RGSL1: variants seen among roughly 807,000 people sequenced by gnomAD.
RGSL1 encodes regulator of G protein signaling like 1, also known as regulator of G protein signaling protein-like.
In RGSL1, 97 loss-of-function variants were observed where a neutral mutation model predicts 124.7. The observed-to-expected ratio is 0.78, with a 90% confidence interval of 0.66 to 0.92. RGSL1 has a LOEUF of 0.92. Ranked by LOEUF, RGSL1 falls within the 40% of genes least tolerant of loss-of-function variation. The pLI, the probability that RGSL1 is intolerant of heterozygous loss-of-function variation, is 0.00. For missense variants in RGSL1, 1,233 were observed against 1,288.4 expected (o/e 0.96, Z 0.66); for synonymous variants, 424 against 438.1 (o/e 0.97, Z 0.40).
intron 10 of RGSL1, among the ~76,000 whole-genome samples, chr1:182,522,868 T>C (rs998261906): frequency 1.3e-5 from 2 of 152,172 alleles, no homozygotes; most frequent in African/African-American, 2.4e-5. Flanking sequence ...TACTCATGTA[T>C]TCATTTTTAT....
intron 15 of RGSL1, among the ~76,000 whole-genome samples, chr1:182,545,098 G>C (rs1660127886): frequency 6.6e-6 from 1 of 151,980 alleles, no homozygotes. Context: ...TTGTGATTAA[G>C]TAATTTTCTC....
chr1:182,507,043 G>A (rs1656868644), intron 9 of RGSL1, among the ~76,000 whole-genome samples: 1 of 134,206 alleles, frequency 7.5e-6, no homozygotes. Flanking sequence ...AGGCTGGAGT[G>A]CAATGGCACG....
chr1:182,540,163 C>G, intron 14 of RGSL1, 84 bp from the exon 15 acceptor site: 1 of 1,332,620 alleles, frequency 7.5e-7, no homozygotes, highest in Non-Finnish European at 1.0e-6. Flanking sequence ...CCACAGTCTC[C>G]TTTCTTCTTT....
At chr1:182,485,101 G>GTCCTCA (rs1168426941) in intron 6 of RGSL1, among the ~76,000 whole-genome samples, 2 of 152,164 alleles carry the variant, frequency 1.3e-5, no homozygotes, top group Non-Finnish European at 2.9e-5. Context: ...GTGCCTGTGA[G>GTCCTCA]GACTGCAGGG....
At chr1:182,545,529 G>A (rs541461677) in intron 15 of RGSL1, among the ~76,000 whole-genome samples, 41 of 152,186 alleles carry the variant, frequency 2.7e-4, no homozygotes, top group African/African-American at 7.5e-4. Flanking sequence ...TCCTTCTTGC[G>A]TGTTAGTGTC....
intron 4 of RGSL1, among the ~76,000 whole-genome samples, chr1:182,465,881 T>C (rs527580425): frequency 6.6e-6 from 1 of 152,218 alleles, no homozygotes; most frequent in African/African-American, 2.4e-5. Flanking sequence ...TATAGGCCAA[T>C]ATTCCTGATG....
chr1:182,456,114 G>T (rs1378635015), intron 2 of RGSL1, among the ~76,000 whole-genome samples: 4 of 152,244 alleles, frequency 2.6e-5, no homozygotes, highest in African/African-American at 7.2e-5. Context: ...TAAGTGTTGG[G>T]CAAGGTGGTA....
chr1:182,521,858 C>G (rs1658365198), intron 9 of RGSL1, 146 bp from the exon 10 acceptor site: 1 of 591,990 alleles, frequency 1.7e-6, no homozygotes, highest in African/African-American at 1.9e-5. Context: ...GTTCTTAACA[C>G]TAGATGAACT....
intron 12 of RGSL1, among the ~76,000 whole-genome samples, 194 bp downstream of exon 12, chr1:182,530,555 A>C (rs989758954): frequency 6.6e-6 from 1 of 151,790 alleles, no homozygotes; most frequent in South Asian, 2.1e-4. Context: ...ACACACACAC[A>C]CACACACACA....
chr1:182,558,077 A>G (rs1660964789), intron 21 of RGSL1, among the ~76,000 whole-genome samples: 1 of 152,020 alleles, frequency 6.6e-6, no homozygotes, highest in Non-Finnish European at 1.5e-5. Context: ...GAAGGAAGGA[A>G]GGAGGGAAGG....
chr1:182,539,629 T>G (rs1220518832), intron 14 of RGSL1, among the ~76,000 whole-genome samples: 3 of 152,202 alleles, frequency 2.0e-5, no homozygotes, highest in Admixed American at 6.5e-5. Context: ...AGCCCATACC[T>G]GTTCTTTTCT....
Position 182,460,229 on chromosome 1 carries a change from TG to T in RGSL1, c.301+97del. ...ACTTCATAATAATCTTATGCCTGTA[TG>T]TGTGTGTGTGTGTGTGTAGAAATAT... On this transcript the variant is annotated intron_variant, in intron 4 of 21. Coordinates refer to ENST00000294854, the MANE Select transcript of RGSL1 (RefSeq NM_001137669.2). The T allele has an allele frequency of 4.1e-6, 4 of 966,738 alleles. No individual in the cohort carries two copies. In the African/African-American group the frequency reaches 6.1e-5, roughly 15 times the overall value. The allele number at this position is 966,738 out of a possible 1,614,324, so 59.9% of individuals were successfully genotyped here. A position where few individuals can be genotyped will look rare whatever the true frequency, so the allele number is the denominator to read the frequency against.
At chr1:182,498,949 C>A (rs146433273) in intron 9 of RGSL1, among the ~76,000 whole-genome samples, 3,351 of 152,204 alleles carry the variant, frequency 0.022, 120 homozygotes, top group African/African-American at 0.074. Context: ...CCCGCCACCA[C>A]ACTTGGCTAA....
chr1:182,461,876 A>T (rs1359037839), intron 4 of RGSL1, among the ~76,000 whole-genome samples: 1 of 152,172 alleles, frequency 6.6e-6, no homozygotes, highest in Admixed American at 6.6e-5. Context: ...GGGCACCATC[A>T]GGCAGGCCAA....
chr1:182,524,206 G>T (rs1658568300), intron 10 of RGSL1, among the ~76,000 whole-genome samples: 1 of 152,122 alleles, frequency 6.6e-6, no homozygotes, highest in Non-Finnish European at 1.5e-5. Flanking sequence ...GGCAATAAGG[G>T]GATTCTTTGG....
chr1:182,537,423 C>T (rs1284095207), intron 14 of RGSL1, among the ~76,000 whole-genome samples: 1 of 152,180 alleles, frequency 6.6e-6, no homozygotes, highest in African/African-American at 2.4e-5. Context: ...TGAAACACTT[C>T]TGGTCCCAAG....
chr1:182,557,716 T>C (rs928495774), intron 21 of RGSL1, among the ~76,000 whole-genome samples: 1 of 152,180 alleles, frequency 6.6e-6, no homozygotes, highest in Non-Finnish European at 1.5e-5. Flanking sequence ...CACAAACATG[T>C]TATTTAAAAG....
At position 182,522,043 on chromosome 1, in the gene RGSL1, C is replaced by T. The variant is rs761269595; in HGVS notation, c.1865C>T (p.Ser622Leu). 1.5e-5 allele frequency: 24 copies of T among 1,548,668 alleles called. 2 individuals carry two copies. Among genetic ancestry groups the T allele is most frequent in the South Asian group, 8.4e-5 (7 of 83,268 alleles). Residue 622 changes from serine (S) to leucine (L), a missense_variant, in exon 10 of 22, where the codon TCA (serine) becomes TTA (leucine). Transcript: ENST00000294854. ...MEIIKETKTV[S>L]RSNRKMSLLK... The stretch of plus-strand genomic sequence containing the variant: ...ATTATCAAGGAAACAAAGACAGTTT[C>T]ACGCTCAAATAGGAAAATGTCCTTG...
chr1:182,518,695 A>G (rs1658090128), intron 9 of RGSL1, among the ~76,000 whole-genome samples: 1 of 152,188 alleles, frequency 6.6e-6, no homozygotes, highest in African/African-American at 2.4e-5. Flanking sequence ...AAAACTTTCC[A>G]TGCACTGTTG....
Sources: gnomAD v4.1 joint callset for allele counts (sites outside exome capture counted in the v4.1 genomes callset) on GRCh38, gnomAD v4.1.1 for gene constraint, MANE v1.5 for transcripts, NCBI Gene and HGNC (gene_info 2026-07-23, HGNC 2026-07-21) for gene names.